Variants in RFPL1 observed in about 807,000 individuals in gnomAD.
RFPL1 encodes the protein ret finger protein-like 1.
RFPL1 carries 6 observed loss-of-function variants against 9.6 expected under a neutral mutation model. That is an observed-to-expected ratio of 0.62 (90% CI 0.34 to 1.23). The LOEUF (loss-of-function observed/expected upper bound fraction) is 1.23. Among genes scored for constraint, RFPL1 ranks in the 50% most tolerant of loss-of-function variants. The probability of loss-of-function intolerance (pLI) is 0.03; values close to 1 mark genes in which losing one functional copy is unlikely to be tolerated. For synonymous variants in RFPL1, 145 were observed against 149.4 expected (o/e 0.97, Z 0.22); for missense variants, 352 against 398.4 (o/e 0.88, Z 0.99).
At chr22:29,415,578 C>A in the RFPL1 span, among the ~76,000 whole-genome samples, 1 of 152,230 alleles carries the variant, frequency 6.6e-6, no homozygotes, top group Non-Finnish European at 1.5e-5. Context: ...TGCCTCGCTT[C>A]CCGGTCAGGG....
chr22:29,404,627 T>A, the RFPL1 span, among the ~76,000 whole-genome samples: 1 of 152,188 alleles, frequency 6.6e-6, no homozygotes, highest in East Asian at 1.9e-4. Flanking sequence ...CTACCTCTTT[T>A]AAAAAAAATT....
At chr22:29,441,317 A>G (rs2062837719) in intron 1 of RFPL1, 1 of 553,236 alleles carries the variant, frequency 1.8e-6, no homozygotes, top group East Asian at 2.9e-5. Flanking sequence ...CACGTGACAT[A>G]AAGTAAAATA....
chr22:29,394,096 C>T, the RFPL1 span, among the ~76,000 whole-genome samples: 1 of 152,156 alleles, frequency 6.6e-6, no homozygotes, highest in Non-Finnish European at 1.5e-5. Context: ...GGTATGTGCC[C>T]CTGTGCCCAG....
chr22:29,392,378 CTT>C, the RFPL1 span, among the ~76,000 whole-genome samples: 1 of 46,288 alleles, frequency 2.2e-5, no homozygotes, highest in African/African-American at 7.3e-5. Context: ...CCACACCTGG[CTT>C]TTTTTTTTTT....
chr22:29,399,230 GTTTT>G, the RFPL1 span, among the ~76,000 whole-genome samples: 2 of 146,320 alleles, frequency 1.4e-5, no homozygotes, highest in African/African-American at 5.1e-5. Flanking sequence ...ATAGTGTTTT[GTTTT>G]TTTAAATGTG....
chr22:29,428,667 A>G, the RFPL1 span, among the ~76,000 whole-genome samples: 1 of 152,232 alleles, frequency 6.6e-6, no homozygotes, highest in East Asian at 1.9e-4. Flanking sequence ...ACAATGAAAT[A>G]TAACAAAAAA....
the RFPL1 span, among the ~76,000 whole-genome samples, chr22:29,401,917 C>G: frequency 6.6e-6 from 1 of 152,150 alleles, no homozygotes; most frequent in Non-Finnish European, 1.5e-5. Context: ...ATCCTCTAAG[C>G]CTTTGTTTGC....
chr22:29,413,291 C>T, the RFPL1 span, among the ~76,000 whole-genome samples: 1 of 152,036 alleles, frequency 6.6e-6, no homozygotes, highest in Admixed American at 6.6e-5. Flanking sequence ...TCGAGTTTTC[C>T]TTCTTTCCAC....
the RFPL1 span, among the ~76,000 whole-genome samples, chr22:29,430,638 A>AG: frequency 6.6e-6 from 1 of 152,196 alleles, no homozygotes; most frequent in African/African-American, 2.4e-5. Context: ...TTGGAGAAAA[A>AG]GTCCCTTTAA....
At chr22:29,435,218 C>T (rs887369462), upstream of RFPL1, among the ~76,000 whole-genome samples, 3 of 152,180 alleles carry the variant, frequency 2.0e-5, no homozygotes, top group African/African-American at 4.8e-5. Context: ...GCCGTGGCTC[C>T]GTGTCCCTCC....
At chr22:29,415,425 G>C in the RFPL1 span, among the ~76,000 whole-genome samples, 1 of 152,326 alleles carries the variant, frequency 6.6e-6, no homozygotes, top group South Asian at 2.1e-4. Context: ...TCCTCTGCGG[G>C]GGCCTGCCAT....
chr22:29,435,221 G>A (rs1163361238), upstream of RFPL1, among the ~76,000 whole-genome samples: 2 of 152,160 alleles, frequency 1.3e-5, no homozygotes, highest in African/African-American at 2.4e-5. Context: ...GTGGCTCCGT[G>A]TCCCTCCCAC....
At chr22:29,422,055 G>T in the RFPL1 span, among the ~76,000 whole-genome samples, 24 of 152,334 alleles carry the variant, frequency 1.6e-4, no homozygotes, top group East Asian at 4.1e-3. Context: ...GAGGGAGGAA[G>T]GAAGGGCTGG....
At chr22:29,413,557 C>T in the RFPL1 span, among the ~76,000 whole-genome samples, 1 of 152,162 alleles carries the variant, frequency 6.6e-6, no homozygotes, top group Non-Finnish European at 1.5e-5. Context: ...GAAAGCCAAA[C>T]ACCATTTTAT....
At chr22:29,425,763 G>A in the RFPL1 span, among the ~76,000 whole-genome samples, 1 of 151,992 alleles carries the variant, frequency 6.6e-6, no homozygotes, top group African/African-American at 2.4e-5. Flanking sequence ...GATGGTGGCA[G>A]GTGCCTGTAA....
chr22:29,420,150 T>C, the RFPL1 span, among the ~76,000 whole-genome samples: 2 of 152,256 alleles, frequency 1.3e-5, no homozygotes, highest in Non-Finnish European at 2.9e-5. Flanking sequence ...CACAAGTGGT[T>C]GCTCAGCTCT....
At chr22:29,405,067 T>G in the RFPL1 span, among the ~76,000 whole-genome samples, 1 of 152,168 alleles carries the variant, frequency 6.6e-6, no homozygotes, top group Non-Finnish European at 1.5e-5. Flanking sequence ...TGAAGTTAAA[T>G]GCTATTAACA....
At chr22:29,391,422 C>G in the RFPL1 span, among the ~76,000 whole-genome samples, 1 of 152,056 alleles carries the variant, frequency 6.6e-6, no homozygotes, top group Non-Finnish European at 1.5e-5. Flanking sequence ...AGGAACTGCC[C>G]TTCTCTGATG....
At chr22:29,425,199 G>A in the RFPL1 span, among the ~76,000 whole-genome samples, 7 of 117,722 alleles carry the variant, frequency 5.9e-5, no homozygotes, top group South Asian at 5.7e-4. Flanking sequence ...GCGAGACTCC[G>A]TCTCAAAAAA....
Sources: gnomAD v4.1 joint callset for allele counts (sites outside exome capture counted in the v4.1 genomes callset) on GRCh38, gnomAD v4.1.1 for gene constraint, MANE v1.5 for transcripts, NCBI Gene and HGNC (gene_info 2026-07-23, HGNC 2026-07-21) for gene names.